Variants in RAPGEF2 observed in about 807,000 individuals in gnomAD.
RAPGEF2 encodes the protein Rap guanine nucleotide exchange factor 2, also known as PDZ domain containing guanine nucleotide exchange factor (GEF) 1.
A neutral mutation model predicts 186.7 loss-of-function variants in RAPGEF2; 54 were observed. That is an observed-to-expected ratio of 0.29 (90% CI 0.23 to 0.36). RAPGEF2 has a LOEUF of 0.36. Among genes scored for constraint, RAPGEF2 ranks in the 10% least tolerant of loss-of-function variants. The probability of loss-of-function intolerance (pLI) is 1.00; values close to 1 mark genes in which losing one functional copy is unlikely to be tolerated. For synonymous variants in RAPGEF2, 712 were observed against 705.9 expected, an observed-to-expected ratio of 1.01 and a Z score of -0.14; for missense variants, 1,532 against 2,045.0, an observed-to-expected ratio of 0.75 and a Z score of 4.84.
Position 159,352,768 on chromosome 4 carries a change from A to C in RAPGEF2, c.3949A>C (p.Ser1317Arg), listed in dbSNP as rs760482585. 1 of 1,614,234 alleles carries C rather than the reference A, an allele frequency of 6.2e-7. No homozygotes were observed. Among genetic ancestry groups the C allele is most frequent in the Non-Finnish European group, 8.5e-7 (1 of 1,180,044 alleles). ...AATTTCTTCACGATCCAGTATTGTT[A>C]GCAATTCGTCTTTTGACTCAGTGCC... ...SEISSRSSIV[S>R]NSSFDSVPVS... Residue 1317 changes from serine to arginine, a missense_variant, in exon 27 of 30, where the codon AGC (serine) becomes CGC (arginine). Around this residue, in one of 4 missense-constraint regions of RAPGEF2, gnomAD observed 594 missense variants for 608.5 expected, o/e 0.98. Transcript: ENST00000691494.
intron 7 of RAPGEF2, among the ~76,000 whole-genome samples, chr4:159,247,962 A>C (rs534996260): frequency 3.3e-4 from 50 of 152,000 alleles, no homozygotes; most frequent in African/African-American, 1.2e-3. Flanking sequence ...AGGTTTCTCC[A>C]TATCCGTCAG....
At chr4:159,267,151 G>C (rs551689393) in intron 7 of RAPGEF2, 2 of 1,275,872 alleles carry the variant, frequency 1.6e-6, no homozygotes, top group African/African-American at 3.1e-5. Flanking sequence ...AGCCTTGCAG[G>C]TTAAGAGACA....
chr4:159,222,294 T>C (rs1210090487), intron 4 of RAPGEF2, among the ~76,000 whole-genome samples: 1 of 152,152 alleles, frequency 6.6e-6, no homozygotes, highest in Non-Finnish European at 1.5e-5. Flanking sequence ...AACACTGGGA[T>C]TGGTAGTGTC....
At chr4:159,200,046 A>ATC (rs141283472) in intron 3 of RAPGEF2, among the ~76,000 whole-genome samples, 1,883 of 151,342 alleles carry the variant, frequency 0.012, 32 homozygotes, top group African/African-American at 0.042. Context: ...ATTTGATGTA[A>ATC]TCTCTCTCTC....
intron 11 of RAPGEF2, chr4:159,329,064 C>A (rs1766320026): frequency 6.6e-6 from 1 of 152,064 alleles, no homozygotes; most frequent in African/African-American, 2.4e-5. Context: ...ATGCTTCTTT[C>A]CATTTCCGAA....
chr4:159,174,557 G>C (rs1579373861), intron 1 of RAPGEF2, among the ~76,000 whole-genome samples: 1 of 152,062 alleles, frequency 6.6e-6, no homozygotes. Flanking sequence ...AATCACCTTT[G>C]TCTCAAGTTT....
At chr4:159,317,300 G>A (rs146867590) in intron 9 of RAPGEF2, among the ~76,000 whole-genome samples, 1 of 152,218 alleles carries the variant, frequency 6.6e-6, no homozygotes, top group African/African-American at 2.4e-5. Flanking sequence ...AGCTAATGTG[G>A]GTGAGCACCT....
rs758227649 is a variant in RAPGEF2, at chr4:159,341,620, A to G, written c.2591A>G (p.Gln864Arg). The G allele has an allele frequency of 3.1e-6, 5 of 1,613,390 alleles. No homozygotes were observed. Among genetic ancestry groups the G allele is most frequent in the Non-Finnish European group, 4.2e-6 (5 of 1,179,738 alleles). Residue 864 changes from glutamine to arginine, a missense_variant, in exon 20 of 30, where the codon CAG becomes CGG. Gln to Arg is a conservative substitution (Grantham distance 43, BLOSUM62 1). Transcript: ENST00000691494. ...TETLCSDEDA[Q>R]ELLRESQISL... The stretch of plus-strand genomic sequence containing the variant: ...ACTCTTTGTTCAGATGAAGATGCTC[A>G]GGAGTTGTTGAGAGAGAGTCAAATT...
At chr4:159,194,204 G>A (rs1196688348) in intron 3 of RAPGEF2, among the ~76,000 whole-genome samples, 1 of 152,180 alleles carries the variant, frequency 6.6e-6, no homozygotes, top group Non-Finnish European at 1.5e-5. Context: ...GACGGGGCCT[G>A]GCCTGATGTT....
chr4:159,218,291 A>G (rs571826764), intron 4 of RAPGEF2, among the ~76,000 whole-genome samples: 1 of 152,262 alleles, frequency 6.6e-6, no homozygotes, highest in East Asian at 1.9e-4. Context: ...AATGGAGGGG[A>G]AAAAGGAAAA....
At chr4:159,164,836 T>C (rs1301197801) in intron 1 of RAPGEF2, among the ~76,000 whole-genome samples, 1 of 152,222 alleles carries the variant, frequency 6.6e-6, no homozygotes, top group African/African-American at 2.4e-5. Flanking sequence ...GCTAGGATCA[T>C]AAAAATTTAG....
intron 7 of RAPGEF2, among the ~76,000 whole-genome samples, chr4:159,245,803 A>G (rs772277259): frequency 6.6e-6 from 1 of 151,862 alleles, no homozygotes; most frequent in Non-Finnish European, 1.5e-5. Context: ...CCTAGTTTGG[A>G]AAGAGGAAAA....
intron 1 of RAPGEF2, among the ~76,000 whole-genome samples, chr4:159,108,255 T>A (rs569096247): frequency 6.6e-6 from 1 of 152,312 alleles, no homozygotes; most frequent in South Asian, 2.1e-4. Flanking sequence ...AATTAACAGT[T>A]CCATAATTAG....
intron 7 of RAPGEF2, among the ~76,000 whole-genome samples, chr4:159,286,360 T>C (rs868164800): frequency 2.6e-5 from 4 of 152,132 alleles, no homozygotes; most frequent in Middle Eastern, 3.2e-3. Flanking sequence ...ATTCCTAATG[T>C]TGTACTGTTC....
chr4:159,248,644 G>A (rs1249411892), intron 7 of RAPGEF2, among the ~76,000 whole-genome samples: 1 of 152,192 alleles, frequency 6.6e-6, no homozygotes, highest in African/African-American at 2.4e-5. Flanking sequence ...GCTTTAGGGG[G>A]ACTAACTCTC....
At chr4:159,253,858 C>G (rs899530560) in intron 7 of RAPGEF2, among the ~76,000 whole-genome samples, 6 of 152,016 alleles carry the variant, frequency 3.9e-5, no homozygotes, top group African/African-American at 1.5e-4. Flanking sequence ...GTCCCAGCTA[C>G]TCGGGAGGCT....
At chr4:159,247,780 T>TG (rs1754821503) in intron 7 of RAPGEF2, among the ~76,000 whole-genome samples, 1 of 98,896 alleles carries the variant, frequency 1.0e-5, no homozygotes, top group Non-Finnish European at 2.2e-5. Flanking sequence ...TTTTTTTTTT[T>TG]GAGGCAGAAT....
In RAPGEF2 at chr4:159,359,083, C is replaced by G. The variant is rs925276792; in HGVS notation, c.*944C>G. On this transcript the variant is annotated 3_prime_UTR_variant, in exon 30 of 30. Coordinates refer to ENST00000691494, the MANE Select transcript of RAPGEF2 (RefSeq NM_001394067.2). The stretch of plus-strand genomic sequence containing the variant: ...TGTCCTGCTCCATTGAGATGGATGG[C>G]AAACCCCATTTTTAAGTTATATTTC... The G allele has an allele frequency of 1.3e-5, 2 of 152,118 alleles. No individual in the cohort carries two copies. The highest frequency in any genetic ancestry group is 4.8e-5 in the African/African-American group (2 of 41,408). 9.4% of individuals were successfully genotyped at this position (152,118 alleles called of 1,614,324 possible).
At chr4:159,130,666 C>T (rs1401114319) in intron 1 of RAPGEF2, among the ~76,000 whole-genome samples, 1 of 152,118 alleles carries the variant, frequency 6.6e-6, no homozygotes, top group Admixed American at 6.5e-5. Flanking sequence ...TAGACCCAGG[C>T]TTAGCGAATA....
Sources: gnomAD v4.1 joint callset for allele counts (sites outside exome capture counted in the v4.1 genomes callset) on GRCh38, gnomAD v4.1.1 for gene constraint, gnomAD v4.1.1 regional missense constraint, MANE v1.5 for transcripts, NCBI Gene and HGNC (gene_info 2026-07-23, HGNC 2026-07-21) for gene names.